Variants in DPP6 observed in about 807,000 individuals in gnomAD.
DPP6 encodes the protein dipeptidyl peptidase like 6, also known as A-type potassium channel modulatory protein DPP6.
A neutral mutation model predicts 122.6 loss-of-function variants in DPP6; 69 were observed. The ratio of observed to expected loss-of-function variants is 0.56; its 90% CI spans 0.46 to 0.69. The LOEUF is 0.69. DPP6 is among the 30% of genes least tolerant of loss of function. The pLI is 0.00. For synonymous variants in DPP6, 418 were observed against 433.1 expected (o/e 0.97, Z 0.43); for missense variants, 928 against 1,116.9 (o/e 0.83, Z 2.41).
At position 154,108,405 on chromosome 7, in the gene DPP6, T is replaced by C. The variant is rs548964726; in HGVS notation, c.243+55342T>C. Among the ~76,000 whole-genome samples, 893 of 152,130 alleles carry C rather than the reference T, an allele frequency of 5.9e-3. 14 individuals are homozygous for C. The highest frequency in any genetic ancestry group is 0.021 in the African/African-American group (867 of 41,390). On this transcript the variant is annotated intron_variant, in intron 1 of 25. Coordinates refer to ENST00000377770, the MANE Select transcript of DPP6 (RefSeq NM_130797.4). ...GTCATCTCAGGGAATTTACATGGTG[T>C]TAAAGTATCACTCCAGGGATCATCT...
chr7:154,501,518 G>A (rs1825246399), intron 3 of DPP6, among the ~76,000 whole-genome samples: 1 of 152,302 alleles, frequency 6.6e-6, no homozygotes, highest in Non-Finnish European at 1.5e-5. Flanking sequence ...TGGCTGAAAT[G>A]GCCCAAGTTA....
intron 3 of DPP6, among the ~76,000 whole-genome samples, chr7:154,480,548 C>T (rs751101167): frequency 1.9e-4 from 29 of 152,100 alleles, no homozygotes; most frequent in East Asian, 9.7e-4. Context: ...GAGGGTTGGC[C>T]GGTTCTCCCT....
At chr7:154,883,709 TTACA>T (rs375628206) in intron 21 of DPP6, 1,398 of 124,274 alleles carry the variant, frequency 0.011, 128 homozygotes, top group African/African-American at 0.041. Context: ...TGCTCACAAA[TTACA>T]TACACATGCT....
intron 1 of DPP6, among the ~76,000 whole-genome samples, chr7:154,042,308 G>C (rs572632719): frequency 6.6e-6 from 1 of 152,290 alleles, no homozygotes; most frequent in South Asian, 2.1e-4. Flanking sequence ...TAAGTGAGAA[G>C]GGATATGGGT....
chr7:154,562,277 G>T (rs545364538), intron 4 of DPP6, among the ~76,000 whole-genome samples: 1 of 152,070 alleles, frequency 6.6e-6, no homozygotes, highest in Non-Finnish European at 1.5e-5. Context: ...AGCATGCAAG[G>T]TTGGTTTAAC....
intron 1 of DPP6, among the ~76,000 whole-genome samples, chr7:153,964,226 C>A (rs71545686): frequency 1.1e-3 from 162 of 152,218 alleles, no homozygotes; most frequent in African/African-American, 3.7e-3. Context: ...GAACTCCTGA[C>A]CTCAAGTGAT....
rs1248616823 is a variant in DPP6 at position 154,868,080 on chromosome 7, G to A, written c.1800G>A (p.Glu600=). The change falls in exon 18 of 26, where the codon GAG becomes GAA. Residue 600 remains glutamate, a synonymous_variant. Coordinates refer to ENST00000377770, the MANE Select transcript of DPP6 (RefSeq NM_130797.4). ...QMPKVEYRDI[E]IDDYNLPMQI... Reference sequence around the variant, plus strand: ...CTAAAGTGGAATACAGGGACATTGAGATTGATGATTACAGTAAGTACTACG... The same window carrying A: ...CTAAAGTGGAATACAGGGACATTGAAATTGATGATTACAGTAAGTACTACG... The A allele has an allele frequency of 3.4e-5, 54 of 1,605,760 alleles. No individual in the cohort carries two copies. In the East Asian group the frequency reaches 1.2e-3, roughly 35 times the overall value.
chr7:154,454,829 G>A (rs1474978799), intron 2 of DPP6, among the ~76,000 whole-genome samples: 1 of 152,138 alleles, frequency 6.6e-6, no homozygotes, highest in Admixed American at 6.6e-5. Context: ...TTAATATAAC[G>A]TTTGCAAACC....
intron 7 of DPP6, among the ~76,000 whole-genome samples, chr7:154,704,598 A>C (rs1168297264): frequency 6.6e-6 from 1 of 152,252 alleles, no homozygotes; most frequent in African/African-American, 2.4e-5. Context: ...CCAGCCCCTG[A>C]TCAGTCAGCA....
chr7:154,461,945 G>A (rs948295774), intron 2 of DPP6, among the ~76,000 whole-genome samples: 7 of 152,144 alleles, frequency 4.6e-5, no homozygotes, highest in African/African-American at 1.7e-4. Context: ...CTAGTACAGT[G>A]TCCTGGAGAG....
intron 1 of DPP6, among the ~76,000 whole-genome samples, chr7:154,321,803 AAAG>A (rs1807988957): frequency 1.3e-5 from 2 of 151,246 alleles, no homozygotes; most frequent in South Asian, 2.1e-4. Context: ...AAAAAAAAAA[AAAG>A]AGGAAGAAAT....
At chr7:154,422,448 G>T (rs1186529513) in intron 1 of DPP6, among the ~76,000 whole-genome samples, 3 of 152,076 alleles carry the variant, frequency 2.0e-5, no homozygotes, top group Non-Finnish European at 1.5e-5. Flanking sequence ...TGCATATTTT[G>T]GTCTGAGATG....
At chr7:154,313,013 T>C (rs2151001568) in intron 1 of DPP6, among the ~76,000 whole-genome samples, 1 of 152,368 alleles carries the variant, frequency 6.6e-6, no homozygotes, top group East Asian at 1.9e-4. Context: ...GAAGTTGTTA[T>C]AGCATTCACT....
chr7:154,488,264 G>A (rs987182929), intron 3 of DPP6, among the ~76,000 whole-genome samples: 1 of 151,982 alleles, frequency 6.6e-6, no homozygotes, highest in Non-Finnish European at 1.5e-5. Context: ...CGAGGCTGGC[G>A]GATCATGAGG....
intron 10 of DPP6, among the ~76,000 whole-genome samples, chr7:154,778,980 A>ACAACCACCC (rs1332785398): frequency 1.9e-4 from 3 of 16,184 alleles, no homozygotes; most frequent in African/African-American, 4.4e-4. Flanking sequence ...TACCACCATC[A>ACAACCACCC]CCTCCATCAC....
chr7:153,920,699 T>C (rs1039810919), intron 1 of DPP6, among the ~76,000 whole-genome samples: 2 of 151,526 alleles, frequency 1.3e-5, no homozygotes, highest in African/African-American at 4.9e-5. Context: ...TAGCTGGGAT[T>C]ACAAACGTGT....
At chr7:153,973,905 G>T (rs1187587070) in intron 1 of DPP6, among the ~76,000 whole-genome samples, 1 of 150,844 alleles carries the variant, frequency 6.6e-6, no homozygotes, top group Non-Finnish European at 1.5e-5. Context: ...GAAGGCAGGA[G>T]TTCTTAGGGA....
At chr7:154,642,939 C>G (rs962857358) in intron 6 of DPP6, among the ~76,000 whole-genome samples, 1 of 152,020 alleles carries the variant, frequency 6.6e-6, no homozygotes, top group African/African-American at 2.4e-5. Context: ...TGCAAAACAC[C>G]CAGCAAAGAA....
At chr7:154,103,822 G>A (rs1805939284) in intron 1 of DPP6, among the ~76,000 whole-genome samples, 1 of 152,200 alleles carries the variant, frequency 6.6e-6, no homozygotes, top group Non-Finnish European at 1.5e-5. Context: ...CAGACTCCCG[G>A]TTCCTCCGCC....
Sources: allele counts gnomAD v4.1 joint callset (sites outside exome capture counted in the v4.1 genomes callset), GRCh38; gene constraint gnomAD v4.1.1; transcripts MANE v1.5; gene names NCBI Gene and HGNC (gene_info 2026-07-23, HGNC 2026-07-21).